Variants in CENPP observed in about 807,000 individuals in gnomAD.
The protein encoded by CENPP is centromere protein P.
A neutral mutation model predicts 35.6 loss-of-function variants in CENPP; 24 were observed. That is an observed-to-expected ratio of 0.67 (90% CI 0.49 to 0.95). CENPP has a LOEUF of 0.95. Among genes scored for constraint, CENPP ranks in the 40% least tolerant of loss-of-function variants. The probability of loss-of-function intolerance (pLI) is 0.00; values close to 1 mark genes in which losing one functional copy is unlikely to be tolerated. For synonymous variants in CENPP, 120 were observed against 125.5 expected (o/e 0.96, Z 0.29); for missense variants, 332 against 345.3 (o/e 0.96, Z 0.31).
chr9:92,495,690 G>C (rs1846310588), intron 5 of CENPP: 5 of 889,280 alleles, frequency 5.6e-6, no homozygotes, highest in Admixed American at 6.2e-5. Context: ...TTTCCTTAAT[G>C]TTAACAATGT....
intron 5 of CENPP, chr9:92,514,687 A>G (rs1847574123): frequency 1.2e-6 from 2 of 1,611,432 alleles, no homozygotes; most frequent in Non-Finnish European, 1.7e-6. Flanking sequence ...CTGGGTAAGC[A>G]TGGCGTTGAT....
chr9:92,457,356 T>C, intron 5 of CENPP: 1 of 1,614,040 alleles, frequency 6.2e-7, no homozygotes, highest in East Asian at 2.2e-5. Flanking sequence ...GCAGGTTGCA[T>C]TTCCCAGTAT....
At chr9:92,394,360 A>G (rs1842804818) in intron 5 of CENPP, among the ~76,000 whole-genome samples, 1 of 151,050 alleles carries the variant, frequency 6.6e-6, no homozygotes, top group African/African-American at 2.4e-5. Context: ...CTTCTGCCTC[A>G]GCCTCCTGAG....
intron 5 of CENPP, chr9:92,502,749 G>A (rs1375236316): frequency 1.7e-5 from 15 of 907,536 alleles, no homozygotes; most frequent in Non-Finnish European, 2.1e-5. Flanking sequence ...ATTATCATTA[G>A]TATTATCTAA....
Position 92,426,991 on chromosome 9 carries a change from T to TG in CENPP, c.564+47134dup, listed in dbSNP as rs577274859. ...AGTAAAAGGAACCAGGGCTGCTCCT[T>TG]GGAGAAATGGCTGTTTCCAGGAGGA... On this transcript the variant is annotated intron_variant, in intron 5 of 7. Transcript: ENST00000375587. Among the ~76,000 whole-genome samples the TG allele has an allele frequency of 2.4e-3, 362 of 152,166 alleles. 1 individual carries two copies. The highest frequency in any genetic ancestry group is 6.8e-3 in the Middle Eastern group (2 of 292).
intron 1 of CENPP, among the ~76,000 whole-genome samples, chr9:92,328,318 A>C (rs1332092636): frequency 6.6e-6 from 1 of 152,070 alleles, no homozygotes; most frequent in East Asian, 1.9e-4. Flanking sequence ...TATTTTTTTA[A>C]GTGATTATAA....
Position 92,509,906 on chromosome 9 carries a change from A to C in CENPP, c.565-101408A>C, listed in dbSNP as rs144093801. 1,710 of 1,604,134 alleles carry C rather than the reference A, an allele frequency of 1.1e-3. 2 individuals are homozygous for C. The highest frequency in any genetic ancestry group is 1.3e-3 in the Non-Finnish European group (1,586 of 1,178,012). ...AAAACAAATATTAAATACCTGATAA[A>C]CTTTCTTCATCGATAGCCTGAAGAT... On this transcript the variant is annotated intron_variant, in intron 5 of 7. Coordinates refer to ENST00000375587, the MANE Select transcript of CENPP (RefSeq NM_001012267.3).
chr9:92,496,940 C>CA (rs34069793), intron 5 of CENPP, among the ~76,000 whole-genome samples: 12,348 of 112,120 alleles, frequency 0.11, 536 homozygotes, highest in South Asian at 0.14. Context: ...ATAAGGTTTG[C>CA]AAAAAAAAAA....
At chr9:92,576,903 C>T (rs1021047319) in intron 5 of CENPP, among the ~76,000 whole-genome samples, 3 of 151,792 alleles carry the variant, frequency 2.0e-5, no homozygotes, top group African/African-American at 7.3e-5. Flanking sequence ...ACCGTTTGCA[C>T]CAAAAATACT....
intron 3 of CENPP, among the ~76,000 whole-genome samples, chr9:92,344,329 A>G (rs1042585621): frequency 9.8e-5 from 15 of 152,294 alleles, no homozygotes; most frequent in African/African-American, 3.6e-4. Flanking sequence ...TCTAACATGT[A>G]TCTACACATA....
rs532725358 is a variant in CENPP, at chr9:92,605,264, C to T, written c.565-6050C>T. ...TTGGCCGCCCAAAGTGCCGTAATTA[C>T]AGGTGTGAACCACTGCGCCCAGCCC... On this transcript the variant is annotated intron_variant, in intron 5 of 7. Coordinates refer to ENST00000375587, the MANE Select transcript of CENPP (RefSeq NM_001012267.3). Among the ~76,000 whole-genome samples, 78 of 152,326 alleles carry T rather than the reference C, an allele frequency of 5.1e-4. 1 individual carries two copies. In the Middle Eastern group the frequency reaches 0.014, roughly 27 times the overall value.
At chr9:92,515,183 C>T (rs761687228) in intron 5 of CENPP, 2 of 1,594,120 alleles carry the variant, frequency 1.3e-6, no homozygotes, top group African/African-American at 1.4e-5. Context: ...AATGCTATAC[C>T]ACTGAGTAGA....
At chr9:92,468,519 C>G (rs1329524491) in intron 5 of CENPP, among the ~76,000 whole-genome samples, 2 of 152,172 alleles carry the variant, frequency 1.3e-5, no homozygotes, top group Non-Finnish European at 2.9e-5. Context: ...AGTGATTTTG[C>G]TCTGACTGTA....
chr9:92,602,852 G>T (rs1207883366), intron 5 of CENPP, among the ~76,000 whole-genome samples: 3 of 149,372 alleles, frequency 2.0e-5, no homozygotes, highest in Non-Finnish European at 4.4e-5. Context: ...TTTTTTTGGC[G>T]CAATTTCGGC....
chr9:92,565,293 T>TG (rs1849938646), intron 5 of CENPP, among the ~76,000 whole-genome samples: 1 of 33,162 alleles, frequency 3.0e-5, no homozygotes, highest in Non-Finnish European at 4.9e-5. Flanking sequence ...GCTGATGAGC[T>TG]AAAAAAAAAA....
chr9:92,330,964 G>T (rs1160210896), intron 1 of CENPP, among the ~76,000 whole-genome samples: 1 of 151,308 alleles, frequency 6.6e-6, no homozygotes, highest in Non-Finnish European at 1.5e-5. Context: ...TGCTGGGATT[G>T]CAGGCGTGAG....
intron 5 of CENPP, among the ~76,000 whole-genome samples, chr9:92,545,158 C>T (rs534413725): frequency 1.3e-5 from 2 of 152,348 alleles, no homozygotes; most frequent in East Asian, 3.9e-4. Flanking sequence ...CTTGAGGAGT[C>T]CTTCAGCCCA....
intron 5 of CENPP, among the ~76,000 whole-genome samples, chr9:92,555,294 C>G (rs1031353950): frequency 7.9e-6 from 1 of 126,602 alleles, no homozygotes; most frequent in African/African-American, 2.9e-5. Context: ...ATGGCGTGAT[C>G]TCAGCTCACC....
intron 5 of CENPP, among the ~76,000 whole-genome samples, chr9:92,583,456 T>G (rs1473426870): frequency 6.6e-6 from 1 of 152,260 alleles, no homozygotes; most frequent in Non-Finnish European, 1.5e-5. Flanking sequence ...GATTATTTTC[T>G]GTTTCATTCA....
Sources: gnomAD v4.1 joint callset for allele counts (sites outside exome capture counted in the v4.1 genomes callset) on GRCh38, gnomAD v4.1.1 for gene constraint, MANE v1.5 for transcripts, NCBI Gene and HGNC (gene_info 2026-07-23, HGNC 2026-07-21) for gene names.